MPRIP: variants seen among roughly 807,000 people sequenced by gnomAD.
MPRIP encodes myosin phosphatase Rho-interacting protein.
Under a neutral mutation model 234.9 loss-of-function variants are expected in MPRIP, and 59 were observed. That is an observed-to-expected ratio of 0.25 (90% CI 0.20 to 0.31). The LOEUF (loss-of-function observed/expected upper bound fraction) is 0.31, where lower values mean the gene tolerates loss of function less well. Ranked by LOEUF, MPRIP falls within the 10% of genes least tolerant of loss-of-function variation. MPRIP has a pLI of 1.00. For missense variants in MPRIP, 2,436 were observed against 3,071.0 expected (o/e 0.79, Z 4.89); for synonymous variants, 1,144 against 1,263.9 (o/e 0.91, Z 2.01).
rs556493772 is a variant in MPRIP at position 17,052,250 on chromosome 17, G to T, written c.123+9279G>T. On this transcript the variant is annotated intron_variant, in intron 1 of 23. Transcript: ENST00000651222. Reference sequence around the variant, plus strand: ...CCAGACTCATCCTCCCTGTCCTTGGGAAGGCCACTTTGCTTTGTAAACTCC... The same window carrying T: ...CCAGACTCATCCTCCCTGTCCTTGGTAAGGCCACTTTGCTTTGTAAACTCC... 5.3e-5 allele frequency among the ~76,000 whole-genome samples: 8 copies of T among 152,318 alleles called. No homozygotes were observed. The East Asian group carries it at 1.5e-3, about 29-fold the overall frequency.
chr17:17,061,341 A>G (rs2088861648), intron 1 of MPRIP, among the ~76,000 whole-genome samples: 1 of 152,228 alleles, frequency 6.6e-6, no homozygotes, highest in Non-Finnish European at 1.5e-5. Context: ...CTACCCAGGT[A>G]TCCTTTCTCT....
At chr17:17,129,584 C>G (rs914454378) in intron 4 of MPRIP, among the ~76,000 whole-genome samples, 3 of 152,216 alleles carry the variant, frequency 2.0e-5, no homozygotes, top group Non-Finnish European at 4.4e-5. Flanking sequence ...GAGACACCTG[C>G]TGTCCTGACT....
Position 17,166,503 on chromosome 17 carries a change from A to G in MPRIP, c.4912A>G (p.Thr1638Ala). Residue 1638 changes from threonine to alanine, a missense_variant, in exon 16 of 24, where the codon ACA becomes GCA. Physicochemically the swap from Thr to Ala is moderately conservative, Grantham distance 58. Around this residue, in one of 4 missense-constraint regions of MPRIP, gnomAD observed 1,998 missense variants for 2,520.3 expected, o/e 0.79. Coordinates refer to ENST00000651222, the MANE Select transcript of MPRIP (RefSeq NM_001364716.4). The surrounding 1 kb of genome is among the most constrained non-coding windows in gnomAD (Gnocchi z 4.4). The part of the protein sequence containing the change: ...QVESLRKHLG[T>A]LGGEAVGASG... The stretch of plus-strand genomic sequence containing the variant: ...TGAGTCTCTGAGGAAGCACTTGGGG[A>G]CACTGGGAGGAGAGGCAGTCGGTGC... 2.3e-6 allele frequency: 3 copies of G among 1,304,264 alleles called. No homozygotes were observed. The highest frequency in any genetic ancestry group is 3.0e-6 in the Non-Finnish European group (3 of 988,952). 80.8% of individuals were successfully genotyped at this position (1,304,264 alleles called of 1,614,324 possible). A position where few individuals can be genotyped will look rare whatever the true frequency, so the allele number is the denominator to read the frequency against.
chr17:17,101,222 A>G (rs957812137), intron 3 of MPRIP, among the ~76,000 whole-genome samples: 4 of 152,202 alleles, frequency 2.6e-5, no homozygotes, highest in Admixed American at 2.0e-4. Flanking sequence ...ACACCTGCCA[A>G]CTGGTTAAGA....
chr17:17,173,953 C>T lies in MPRIP; in HGVS notation c.6628C>T (p.Leu2210Phe), dbSNP rs746646563. Residue 2210 changes from leucine (L) to phenylalanine (F), a missense_variant, in exon 19 of 24, where the codon CTC becomes TTC. By Grantham distance (22) the Leu-to-Phe change is conservative. Coordinates refer to ENST00000651222, the MANE Select transcript of MPRIP (RefSeq NM_001364716.4). ...LQSVQRELEVLSEQYSQKCLE... is the reference protein window; with the variant it reads ...LQSVQRELEVFSEQYSQKCLE... ...GTCGGTGCAGCGGGAACTGGAGGTC[C>T]TCTCGGAGCAGTACTCGCAGAAGTG... is the stretch of plus-strand genomic sequence containing the variant. 2 of 1,613,644 alleles carry T rather than the reference C, an allele frequency of 1.2e-6. No homozygotes were observed. The highest frequency in any genetic ancestry group is 1.7e-5 in the Admixed American group (1 of 60,018).
At chr17:17,175,143 A>G in intron 19 of MPRIP, 150 bp from the exon 20 acceptor site, 1 of 1,144,606 alleles carries the variant, frequency 8.7e-7, no homozygotes, top group Non-Finnish European at 1.3e-6. Flanking sequence ...AGTTATTGTG[A>G]CAGAAAGGAA....
chr17:17,151,757 G>A (rs2045608343), intron 12 of MPRIP, among the ~76,000 whole-genome samples: 1 of 152,238 alleles, frequency 6.6e-6, no homozygotes, highest in Non-Finnish European at 1.5e-5. Flanking sequence ...CCTCCCAGGA[G>A]CTAGGACAGA....
At chr17:17,147,534 TC>T in intron 11 of MPRIP, 147 bp downstream of exon 11, 1 of 741,372 alleles carries the variant, frequency 1.3e-6, no homozygotes, top group Non-Finnish European at 2.3e-6. Flanking sequence ...CGAAGGTATG[TC>T]CATGTTGCCC....
chr17:17,087,745 G>A (rs2089624666), intron 3 of MPRIP, among the ~76,000 whole-genome samples: 1 of 152,196 alleles, frequency 6.6e-6, no homozygotes, highest in African/African-American at 2.4e-5. Context: ...TGGTTGGCTG[G>A]CGAATCAGGC....
At chr17:17,183,976 CTT>C (rs1385751771) in intron 23 of MPRIP, among the ~76,000 whole-genome samples, 1 of 152,252 alleles carries the variant, frequency 6.6e-6, no homozygotes, top group African/African-American at 2.4e-5. Context: ...GATGGCGACA[CTT>C]AGCGTGAAGA....
chr17:17,079,038 T>C (rs183110302), intron 3 of MPRIP, among the ~76,000 whole-genome samples: 538 of 152,266 alleles, frequency 3.5e-3, no homozygotes, highest in Non-Finnish European at 5.9e-3. Flanking sequence ...GAGATAACTG[T>C]CCCTAGAGGT....
At chr17:17,089,559 C>T (rs1394039308) in intron 3 of MPRIP, among the ~76,000 whole-genome samples, 1 of 152,112 alleles carries the variant, frequency 6.6e-6, no homozygotes, top group Non-Finnish European at 1.5e-5. Context: ...CCTTGAGCTC[C>T]TGGGCCCAAG....
rs925883462 is a variant in MPRIP at position 17,165,428 on chromosome 17, T to C, written c.3837T>C (p.Gly1279=). The C allele has an allele frequency of 4.6e-6, 6 of 1,303,988 alleles. No individual in the cohort carries two copies. The African/African-American group carries it at 9.1e-5, about 20-fold the overall frequency. The allele number at this position is 1,303,988 out of a possible 1,614,324, so 80.8% of individuals were successfully genotyped here. Residue 1279 remains glycine, a synonymous_variant, in exon 16 of 24, where the codon GGT becomes GGC. Transcript: ENST00000651222. ...GGGCTCCTCCGGGGGAAGAGTACGG[T>C]GATGGCAGCCCCAGTAGGGAAGACA... ...DLGAPPGEEY[G]DGSPSREDSM...
intron 1 of MPRIP, among the ~76,000 whole-genome samples, chr17:17,052,895 A>G (rs1417063172): frequency 2.0e-5 from 3 of 152,190 alleles, no homozygotes; most frequent in Non-Finnish European, 4.4e-5. Flanking sequence ...TAACAGACCC[A>G]CAAGCAACCG....
intron 1 of MPRIP, chr17:17,058,041 C>T (rs2088759501): frequency 3.6e-6 from 1 of 278,708 alleles, no homozygotes; most frequent in South Asian, 5.1e-5. Flanking sequence ...ACAGAGGTGA[C>T]CTGAGATGAT....
At chr17:17,054,204 C>T (rs2088626041) in intron 1 of MPRIP, among the ~76,000 whole-genome samples, 1 of 151,948 alleles carries the variant, frequency 6.6e-6, no homozygotes, top group Admixed American at 6.6e-5. Flanking sequence ...TGAGTGATGA[C>T]AGTCATGGTG....
Position 17,126,703 on chromosome 17 carries a change from C to T in MPRIP, c.269C>T (p.Pro90Leu), listed in dbSNP as rs764703241. ...TGACTCTCTGCCGCCTTCTTCCAGCCCACGACCCTTCCTCAGGGCACCATC... is the reference window on the plus strand; with the variant it reads ...TGACTCTCTGCCGCCTTCTTCCAGCTCACGACCCTTCCTCAGGGCACCATC... ...GLLRYALDEM[P>L]TTLPQGTINM... The change falls in exon 4 of 24, where the codon CCC (proline) becomes CTC (leucine). Residue 90 changes from proline to leucine, a missense_variant and splice_region_variant. By Grantham distance (98) the Pro-to-Leu change is moderately conservative. Coordinates refer to ENST00000651222, the MANE Select transcript of MPRIP (RefSeq NM_001364716.4). 2.5e-6 allele frequency: 4 copies of T among 1,610,748 alleles called. No individual in the cohort carries two copies. Among genetic ancestry groups the T allele is most frequent in the Non-Finnish European group, 2.5e-6 (3 of 1,178,388 alleles).
chr17:17,156,587 T>C (rs959051001), intron 13 of MPRIP, among the ~76,000 whole-genome samples: 1 of 152,230 alleles, frequency 6.6e-6, no homozygotes, highest in Admixed American at 6.5e-5. Context: ...GGTGGGGAAG[T>C]TGCAGGGTGC....
At chr17:17,132,484 A>G (rs1309415010) in intron 5 of MPRIP, among the ~76,000 whole-genome samples, 1 of 152,172 alleles carries the variant, frequency 6.6e-6, no homozygotes, top group Non-Finnish European at 1.5e-5. Context: ...CCAAGTCCTG[A>G]GCCTCATAGT....
Sources: allele counts gnomAD v4.1 joint callset (sites outside exome capture counted in the v4.1 genomes callset), GRCh38; gene constraint gnomAD v4.1.1; regional missense constraint gnomAD v4.1.1; non-coding constraint Gnocchi (gnomAD v3.1); transcripts MANE v1.5; gene names NCBI Gene and HGNC (gene_info 2026-07-23, HGNC 2026-07-21).